NCLN: variants seen among roughly 807,000 people sequenced by gnomAD.
The protein encoded by NCLN is BOS complex subunit NCLN.
NCLN carries 34 observed loss-of-function variants against 69.5 expected under a neutral mutation model. That is an observed-to-expected ratio of 0.49 (90% CI 0.37 to 0.65). The LOEUF (loss-of-function observed/expected upper bound fraction) is 0.65, where lower values mean the gene tolerates loss of function less well. Ranked by LOEUF, NCLN falls within the 30% of genes least tolerant of loss-of-function variation. NCLN has a pLI of 0.00. For synonymous variants in NCLN, 393 were observed against 358.3 expected (o/e 1.10, Z -1.09); for missense variants, 710 against 804.8 (o/e 0.88, Z 1.42).
chr19:3,186,456 C>T (rs1050366590), intron 1 of NCLN, among the ~76,000 whole-genome samples: 3 of 152,170 alleles, frequency 2.0e-5, no homozygotes, highest in Non-Finnish European at 4.4e-5. Flanking sequence ...GCCTAGGTCT[C>T]CCTGCCCCGG....
rs1915662087 is a variant in NCLN, at chr19:3,186,123, G to C, written c.93G>C (p.Leu31=). ...GFIVFLPAVL[L]LVAPPLPAAD... is the part of the protein sequence containing the mutation. The stretch of plus-strand genomic sequence containing the variant: ...TCGTCTTCCTGCCCGCTGTGCTGCT[G>C]CTGGTGGCGCCGCCGCTGCCTGCCG... The change falls in exon 1 of 15, where the codon CTG becomes CTC. Residue 31 remains leucine (L), a synonymous_variant. Coordinates refer to ENST00000246117, the MANE Select transcript of NCLN (RefSeq NM_020170.4). 1 of 1,597,786 alleles carries C rather than the reference G, an allele frequency of 6.3e-7. No homozygotes were observed. The highest frequency in any genetic ancestry group is 8.5e-7 in the Non-Finnish European group (1 of 1,174,384).
At chr19:3,206,049 C>T (rs769726679) in intron 10 of NCLN, 23 bp downstream of exon 10, 89 of 1,610,916 alleles carry the variant, frequency 5.5e-5, no homozygotes, top group Non-Finnish European at 7.0e-5. Flanking sequence ...CCCTCTGTGC[C>T]GCCAGACCCA....
chr19:3,205,622 A>T lies in NCLN; in HGVS notation c.1209-317A>T, dbSNP rs1916243675. Reference sequence around the variant, plus strand: ...GGATTTGCAGAGGGTCCCAGAATGGATTCTTCCACCAGGACGGAATAGTCC... The same window carrying T: ...GGATTTGCAGAGGGTCCCAGAATGGTTTCTTCCACCAGGACGGAATAGTCC... On this transcript the variant is annotated intron_variant, in intron 9 of 14. Transcript: ENST00000246117. The surrounding 1 kb of genome is among the most constrained non-coding windows in gnomAD (Gnocchi z 4.6). 6.6e-6 allele frequency among the ~76,000 whole-genome samples: 1 copy of T among 152,178 alleles called. No individual in the cohort carries two copies. Among genetic ancestry groups the T allele is most frequent in the Non-Finnish European group, 1.5e-5 (1 of 68,032 alleles).
chr19:3,205,361 G>T lies in NCLN; in HGVS notation c.1209-578G>T, dbSNP rs577404999. 3.7e-4 allele frequency among the ~76,000 whole-genome samples: 56 copies of T among 152,358 alleles called. No homozygotes were observed. Among genetic ancestry groups the T allele is most frequent in the African/African-American group, 1.3e-3 (55 of 41,584 alleles). ...TAGATCCTTCCCGTTCATCCACTCT[G>T]CTCTGCGGTCACTGGGCCCTCAGGA... is the stretch of plus-strand genomic sequence containing the variant. On this transcript the variant is annotated intron_variant, in intron 9 of 14. Transcript: ENST00000246117. This position sits in a 1 kb window ranked among gnomAD's most constrained non-coding sequence, Gnocchi z 4.6.
In NCLN at chr19:3,209,372, C is replaced by T. The variant is rs1916371385; in HGVS notation, c.*1684C>T. The T allele has an allele frequency of 6.6e-6, 1 of 152,334 alleles. No homozygotes were observed. Among genetic ancestry groups the T allele is most frequent in the East Asian group, 1.9e-4 (1 of 5,196 alleles). 9.4% of individuals were successfully genotyped at this position (152,334 alleles called of 1,614,324 possible). The stretch of plus-strand genomic sequence containing the variant: ...GACCCAGGCAGCTGCCACCTTGTCA[C>T]CATGAGAGAATTTGGGGAGTGCTTG... On this transcript the variant is annotated 3_prime_UTR_variant, in exon 15 of 15. Coordinates refer to ENST00000246117, the MANE Select transcript of NCLN (RefSeq NM_020170.4).
rs1915664814 is a variant in NCLN, at chr19:3,186,188, A to G, written c.158A>G (p.Gln53Arg). 6.3e-7 allele frequency: 1 copy of G among 1,580,968 alleles called. No individual in the cohort carries two copies. Among genetic ancestry groups the G allele is most frequent in the Non-Finnish European group, 8.6e-7 (1 of 1,167,338 alleles). ...AHEFTVYRMQ[Q>R]YDLQGQPYGT... ...GAGTTCACCGTGTACCGCATGCAGC[A>G]GTACGACCTGCAGGGCCAGCCCTAC... Residue 53 changes from glutamine (Q) to arginine (R), a missense_variant, in exon 1 of 15, where the codon CAG becomes CGG. By Grantham distance (43) the Gln-to-Arg change is conservative. Coordinates refer to ENST00000246117, the MANE Select transcript of NCLN (RefSeq NM_020170.4).
intron 5 of NCLN, among the ~76,000 whole-genome samples, chr19:3,199,808 C>A (rs1359282909): frequency 3.4e-5 from 5 of 147,074 alleles, no homozygotes; most frequent in African/African-American, 1.3e-4. Context: ...TTAAGCGATT[C>A]TCCTGCCTCA....
chr19:3,189,606 G>A (rs573095404), intron 1 of NCLN, among the ~76,000 whole-genome samples: 5 of 152,350 alleles, frequency 3.3e-5, no homozygotes, highest in South Asian at 4.1e-4. Flanking sequence ...CAGGATGCCC[G>A]GTGCCCTCCA....
At chr19:3,199,493 G>C (rs1293080085) in intron 5 of NCLN, among the ~76,000 whole-genome samples, 2 of 152,202 alleles carry the variant, frequency 1.3e-5, no homozygotes, top group African/African-American at 2.4e-5. Flanking sequence ...GAGGGAAGCA[G>C]GGCCCGTGTG....
At chr19:3,194,744 C>CTTTT (rs745406038) in intron 3 of NCLN, among the ~76,000 whole-genome samples, 16 of 136,438 alleles carry the variant, frequency 1.2e-4, no homozygotes, top group Non-Finnish European at 1.9e-4. Flanking sequence ...GAGTCGTCTT[C>CTTTT]TTTTTTTTTT....
chr19:3,185,981 C>G lies in NCLN; in HGVS notation c.-50C>G, dbSNP rs960485544. ...GGTGAGTCCGCGGGAGCCGCCGCCGCCGCCGTCCCGTCCCAGCTGCCGCCC... is the reference window on the plus strand; with the variant it reads ...GGTGAGTCCGCGGGAGCCGCCGCCGGCGCCGTCCCGTCCCAGCTGCCGCCC... On this transcript the variant is annotated 5_prime_UTR_variant, in exon 1 of 15. Transcript: ENST00000246117. 2.9e-6 allele frequency: 4 copies of G among 1,389,484 alleles called. No individual in the cohort carries two copies. Among genetic ancestry groups the G allele is most frequent in the Non-Finnish European group, 3.7e-6 (4 of 1,069,484 alleles). The allele number at this position is 1,389,484 out of a possible 1,614,324, so 86.1% of individuals were successfully genotyped here.
rs751732242 is a variant in NCLN at position 3,203,765 on chromosome 19, C to T, written c.810C>T (p.Leu270=). ...GGGTCTTCCCTCCCAGCTACAACCT[C>T]CTGTTCTTTGCGTCTGGAGGAGGCA... The part of the protein sequence containing the change: ...TYKRTHAAYN[L]LFFASGGGKF... The change falls in exon 7 of 15, where the codon CTC becomes CTT. Residue 270 remains leucine (L), a synonymous_variant. Coordinates refer to ENST00000246117, the MANE Select transcript of NCLN (RefSeq NM_020170.4). 1.2e-6 allele frequency: 2 copies of T among 1,612,186 alleles called. No individual in the cohort carries two copies. Among genetic ancestry groups the T allele is most frequent in the Admixed American group, 3.3e-5 (2 of 59,754 alleles).
intron 5 of NCLN, among the ~76,000 whole-genome samples, chr19:3,200,201 G>A (rs999666222): frequency 2.6e-5 from 4 of 151,580 alleles, no homozygotes; most frequent in East Asian, 1.9e-4. Flanking sequence ...CACCCGCCTC[G>A]GCCTCCTAAC....
chr19:3,206,579 C>T (rs1599360515), intron 12 of NCLN, among the ~76,000 whole-genome samples, 154 bp downstream of exon 12: 1 of 152,230 alleles, frequency 6.6e-6, no homozygotes, highest in African/African-American at 2.4e-5. Context: ...GCTGTGCCTG[C>T]AATCCCAGTA....
chr19:3,200,510 C>T (rs1485923563), intron 5 of NCLN, among the ~76,000 whole-genome samples: 1 of 151,602 alleles, frequency 6.6e-6, no homozygotes, highest in East Asian at 2.0e-4. Context: ...TAGGGTTTCA[C>T]CATGTTGGCC....
chr19:3,203,282 T>C (rs749101917), intron 6 of NCLN, among the ~76,000 whole-genome samples: 3 of 151,570 alleles, frequency 2.0e-5, no homozygotes, highest in Non-Finnish European at 4.4e-5. Flanking sequence ...CACTCCAGCC[T>C]GGGCAGAAAG....
At chr19:3,190,206 C>G (rs1915781440) in intron 1 of NCLN, among the ~76,000 whole-genome samples, 3 of 152,168 alleles carry the variant, frequency 2.0e-5, no homozygotes, top group African/African-American at 7.2e-5. Flanking sequence ...GCTGCCATGT[C>G]CCTGAGGGGC....
rs1198077790 is a variant in NCLN at position 3,204,026 on chromosome 19, A to G, written c.911A>G (p.Asn304Ser). 6.4e-6 allele frequency: 10 copies of G among 1,574,408 alleles called. No individual in the cohort carries two copies. The highest frequency in any genetic ancestry group is 6.9e-6 in the Non-Finnish European group (8 of 1,159,988). Residue 304 changes from asparagine (N) to serine (S), a missense_variant, in exon 8 of 15, where the codon AAT (asparagine) becomes AGT (serine). Coordinates refer to ENST00000246117, the MANE Select transcript of NCLN (RefSeq NM_020170.4). ...DHTDSSLLQDNVAFVLCLDTV... is the reference protein window; with the variant it reads ...DHTDSSLLQDSVAFVLCLDTV... ...GCAGACTCCAGCCTGCTTCAGGACA[A>G]TGTGGCCTTCGTGCTGTGCCTGGAC...
chr19:3,198,407 C>G (rs149256323), intron 4 of NCLN, among the ~76,000 whole-genome samples: 1 of 150,488 alleles, frequency 6.6e-6, no homozygotes, highest in African/African-American at 2.5e-5. Flanking sequence ...CTCTGGAGGC[C>G]GAGGCAGGAG....
Sources: allele counts gnomAD v4.1 joint callset (sites outside exome capture counted in the v4.1 genomes callset), GRCh38; gene constraint gnomAD v4.1.1; non-coding constraint Gnocchi (gnomAD v3.1); transcripts MANE v1.5; gene names NCBI Gene and HGNC (gene_info 2026-07-23, HGNC 2026-07-21).